KDM4B: variants seen among roughly 807,000 people sequenced by gnomAD.
KDM4B encodes lysine-specific demethylase 4B.
In KDM4B, 32 loss-of-function variants were observed where a neutral mutation model predicts 125.2. That is an observed-to-expected ratio of 0.26 (90% confidence interval 0.19 to 0.34). The LOEUF (loss-of-function observed/expected upper bound fraction) is 0.34, where lower values mean the gene tolerates loss of function less well. KDM4B is among the 10% of genes least tolerant of loss of function. The pLI, the probability that KDM4B is intolerant of heterozygous loss-of-function variation, is 1.00. For synonymous variants in KDM4B, 721 were observed against 677.9 expected (o/e 1.06, Z -0.99); for missense variants, 1,190 against 1,577.7 (o/e 0.75, Z 4.16).
rs757900476 is a variant in KDM4B at position 5,082,542 on chromosome 19, C to T, written c.918+38C>T. 10 of 1,534,398 alleles carry T rather than the reference C, an allele frequency of 6.5e-6. No homozygotes were observed. Among genetic ancestry groups the T allele is most frequent in the African/African-American group, 4.2e-5 (3 of 72,078 alleles). ...CTGCTGGGAACGGGTCCCAGCAGGG[C>T]GGGAGGAGGCTCTTTTTTGCCTCTG... On this transcript the variant is annotated intron_variant, in intron 9 of 22. Transcript: ENST00000159111. The surrounding 1 kb of genome is among the most constrained non-coding windows in gnomAD (Gnocchi z 5.4).
chr19:4,992,027 T>A (rs901821152), intron 1 of KDM4B, among the ~76,000 whole-genome samples: 1 of 152,164 alleles, frequency 6.6e-6, no homozygotes, highest in South Asian at 2.1e-4. Context: ...TCATTCCCGA[T>A]TTTAGCAATT....
chr19:5,048,603 G>C (rs1003227791), intron 6 of KDM4B, among the ~76,000 whole-genome samples: 6 of 99,822 alleles, frequency 6.0e-5, no homozygotes, highest in Admixed American at 1.1e-4. Context: ...AGCGGGGAGA[G>C]GGGGGGGCGG....
chr19:5,100,719 T>C (rs968858907), intron 9 of KDM4B, among the ~76,000 whole-genome samples: 13 of 152,214 alleles, frequency 8.5e-5, no homozygotes, highest in African/African-American at 2.9e-4. Flanking sequence ...TTGGCCTCTT[T>C]GTCTTTTTTA....
intron 11 of KDM4B, 96 bp from the exon 12 acceptor site, chr19:5,130,980 G>A (rs1308626688): frequency 9.5e-6 from 9 of 947,132 alleles, no homozygotes; most frequent in South Asian, 9.4e-5. Context: ...AGGAGCCCTC[G>A]ACCATCCCAG....
At chr19:4,976,227 C>T (rs185731322) in intron 1 of KDM4B, among the ~76,000 whole-genome samples, 15 of 134,330 alleles carry the variant, frequency 1.1e-4, no homozygotes, top group African/African-American at 4.0e-4. Flanking sequence ...CCAGCCTGGG[C>T]GACAAGAGGG....
rs376827867 is a variant in KDM4B, at chr19:5,035,863, C to CTGTGTGTGTGTGTGTGTGTGTG, written c.141+2850_141+2851insTGTGTGTGTGTGTGTGTGTGTG. ...GGAGGGGCTGTGTGTGCACGTGTCT[C>CTGTGTGTGTGTGTGTGTGTGTG]TGTGTGTGTGTGTGTGTGCGCGCGC... On this transcript the variant is annotated intron_variant, in intron 3 of 22. Transcript: ENST00000159111. This position sits in a 1 kb window ranked among gnomAD's most constrained non-coding sequence, Gnocchi z 5.3. Among the ~76,000 whole-genome samples, 25 of 142,280 alleles carry CTGTGTGTGTGTGTGTGTGTGTG rather than the reference C, an allele frequency of 1.8e-4. No individual in the cohort carries two copies. Among genetic ancestry groups the CTGTGTGTGTGTGTGTGTGTGTG allele is most frequent in the African/African-American group, 3.9e-4 (15 of 38,534 alleles). The allele number at this position is 142,280 out of a possible 152,430, so 93.3% of individuals were successfully genotyped here. A position where few individuals can be genotyped will look rare whatever the true frequency, so the allele number is the denominator to read the frequency against.
intron 1 of KDM4B, among the ~76,000 whole-genome samples, chr19:4,984,669 G>T (rs892578036): frequency 6.6e-6 from 1 of 152,184 alleles, no homozygotes; most frequent in East Asian, 1.9e-4. Context: ...GCATGATGCC[G>T]CTGGGGCCCT....
Position 5,142,722 on chromosome 19 carries a change from G to T in KDM4B, c.2551-1245G>T, listed in dbSNP as rs922546502. The stretch of plus-strand genomic sequence containing the variant: ...GGCTACTCTGCCGGAGGGGGAGGCC[G>T]TGCTGGAGTGATGCCTGGCGCGTGT... On this transcript the variant is annotated intron_variant, in intron 18 of 22. Coordinates refer to ENST00000159111, the MANE Select transcript of KDM4B (RefSeq NM_015015.3). This position sits in a 1 kb window ranked among gnomAD's most constrained non-coding sequence, Gnocchi z 5.4. Among the ~76,000 whole-genome samples, 1 of 152,096 alleles carries T rather than the reference G, an allele frequency of 6.6e-6. No individual in the cohort carries two copies. Among genetic ancestry groups the T allele is most frequent in the African/African-American group, 2.4e-5 (1 of 41,426 alleles).
chr19:5,050,454 C>T (rs767649717), intron 6 of KDM4B, among the ~76,000 whole-genome samples: 4 of 152,220 alleles, frequency 2.6e-5, no homozygotes, highest in East Asian at 1.9e-4. Flanking sequence ...CCGGGGGGGC[C>T]GGAGTGCAGG....
intron 9 of KDM4B, among the ~76,000 whole-genome samples, chr19:5,108,115 A>C (rs1552045): frequency 6.6e-6 from 1 of 152,196 alleles, no homozygotes; most frequent in East Asian, 1.9e-4. Context: ...GTGGCAGTGC[A>C]CTCCGTGGAG....
chr19:5,098,396 T>A (rs1323494639), intron 9 of KDM4B, among the ~76,000 whole-genome samples: 1 of 152,202 alleles, frequency 6.6e-6, no homozygotes, highest in Non-Finnish European at 1.5e-5. Flanking sequence ...AGTGACAGGC[T>A]TGGGAATTCA....
chr19:4,972,439 G>A (rs995787755), intron 1 of KDM4B, among the ~76,000 whole-genome samples: 2 of 152,180 alleles, frequency 1.3e-5, no homozygotes, highest in Admixed American at 6.5e-5. Context: ...TACACAGCAA[G>A]GCCCTCTGCC....
intron 9 of KDM4B, among the ~76,000 whole-genome samples, chr19:5,101,471 C>T (rs1356159804): frequency 2.0e-5 from 3 of 151,122 alleles, no homozygotes; most frequent in Non-Finnish European, 4.4e-5. Flanking sequence ...CGGCAGTGAG[C>T]TGCTGTGATC....
At chr19:5,010,932 G>A (rs1282674902) in intron 1 of KDM4B, among the ~76,000 whole-genome samples, 1 of 152,234 alleles carries the variant, frequency 6.6e-6, no homozygotes, top group Non-Finnish European at 1.5e-5. Flanking sequence ...ACAGGCGTGA[G>A]CCACTGCACC....
intron 1 of KDM4B, among the ~76,000 whole-genome samples, chr19:4,995,605 G>A (rs2035174237): frequency 6.6e-6 from 1 of 152,044 alleles, no homozygotes; most frequent in Non-Finnish European, 1.5e-5. Flanking sequence ...AATTTGAATT[G>A]GTAGAGAGTG....
intron 3 of KDM4B, among the ~76,000 whole-genome samples, chr19:5,039,342 C>T (rs2036729989): frequency 6.6e-6 from 1 of 152,156 alleles, no homozygotes; most frequent in Non-Finnish European, 1.5e-5. Flanking sequence ...GTGGTCCCCA[C>T]TACTCGGGAG....
intron 9 of KDM4B, among the ~76,000 whole-genome samples, chr19:5,093,158 A>C (rs1345554183): frequency 2.0e-5 from 3 of 152,220 alleles, no homozygotes; most frequent in Non-Finnish European, 2.9e-5. Flanking sequence ...TCAGGGCAGC[A>C]TGTGGAGGAG....
chr19:4,976,751 C>T (rs571776526), intron 1 of KDM4B, among the ~76,000 whole-genome samples: 7 of 152,296 alleles, frequency 4.6e-5, no homozygotes, highest in African/African-American at 9.6e-5. Context: ...GACAAGTGCC[C>T]GTCGGTGGCC....
At chr19:5,110,292 G>A (rs576688024) in intron 9 of KDM4B, among the ~76,000 whole-genome samples, 20 of 152,172 alleles carry the variant, frequency 1.3e-4, no homozygotes, top group African/African-American at 2.7e-4. Flanking sequence ...GCAACATAGC[G>A]AGACCCCATC....
Sources: allele counts gnomAD v4.1 joint callset (sites outside exome capture counted in the v4.1 genomes callset), GRCh38; gene constraint gnomAD v4.1.1; non-coding constraint Gnocchi (gnomAD v3.1); transcripts MANE v1.5; gene names NCBI Gene and HGNC (gene_info 2026-07-23, HGNC 2026-07-21).